IGF2R: variants seen among roughly 807,000 people sequenced by gnomAD.
IGF2R encodes the protein cation-independent mannose-6-phosphate receptor.
In IGF2R, 91 loss-of-function variants were observed where a neutral mutation model predicts 270.6. The observed-to-expected ratio is 0.34, with a 90% CI of 0.28 to 0.40. The LOEUF is 0.40. Among genes scored for constraint, IGF2R ranks in the 10% least tolerant of loss-of-function variants. The pLI is 1.00. For missense variants in IGF2R, 2,805 were observed against 3,188.3 expected (o/e 0.88, Z 2.90); for synonymous variants, 1,316 against 1,258.9 (o/e 1.05, Z -0.96).
intron 3 of IGF2R, chr6:160,010,356 G>T: frequency 5.4e-6 from 1 of 185,440 alleles, no homozygotes; most frequent in South Asian, 1.4e-4. Flanking sequence ...TCGTTTGCTG[G>T]CATTTGCTTA....
At chr6:160,089,321 C>T in intron 43 of IGF2R, 68 bp downstream of exon 43, 1 of 1,435,302 alleles carries the variant, frequency 7.0e-7, no homozygotes, top group Non-Finnish European at 9.6e-7. Flanking sequence ...GCCGCTCTTT[C>T]CCTATCGGGG....
chr6:160,076,567 A>G (rs572062645), intron 36 of IGF2R, among the ~76,000 whole-genome samples: 1 of 152,314 alleles, frequency 6.6e-6, no homozygotes, highest in Admixed American at 6.5e-5. Flanking sequence ...TGTGAGATAA[A>G]TTGGTAGATT....
intron 30 of IGF2R, among the ~76,000 whole-genome samples, chr6:160,068,815 G>T (rs1778649350): frequency 6.6e-6 from 1 of 152,204 alleles, no homozygotes; most frequent in Admixed American, 6.5e-5. Flanking sequence ...GTAGGATGGG[G>T]ATTCTTTGGA....
chr6:160,054,591 C>CCCTA (rs1778270628), intron 19 of IGF2R, among the ~76,000 whole-genome samples: 1 of 152,088 alleles, frequency 6.6e-6, no homozygotes, highest in South Asian at 2.1e-4. Flanking sequence ...TAGTGGTTAA[C>CCCTA]GAGGAAAGGG....
At chr6:160,040,519 G>A (rs753427329) in intron 10 of IGF2R, 41 bp from the exon 11 acceptor site, 1 of 1,584,524 alleles carries the variant, frequency 6.3e-7, no homozygotes, top group East Asian at 2.2e-5. Flanking sequence ...CTCAATTTTG[G>A]TCACGTATGG....
chr6:160,015,342 T>G (rs953567035), intron 4 of IGF2R, among the ~76,000 whole-genome samples: 7 of 152,206 alleles, frequency 4.6e-5, no homozygotes, highest in Non-Finnish European at 1.0e-4. Context: ...GTGTATTATT[T>G]TGGAAATAAA....
chr6:160,054,956 G>T (rs1298915248), intron 19 of IGF2R, among the ~76,000 whole-genome samples: 2 of 152,082 alleles, frequency 1.3e-5, no homozygotes, highest in Non-Finnish European at 2.9e-5. Flanking sequence ...TCACTCACCT[G>T]CCTGGTCTGC....
chr6:160,065,099 A>C (rs972483477), intron 29 of IGF2R, among the ~76,000 whole-genome samples, 198 bp downstream of exon 29: 1 of 152,176 alleles, frequency 6.6e-6, no homozygotes, highest in African/African-American at 2.4e-5. Flanking sequence ...TGGTGACTGC[A>C]TGGGGAAGGG....
intron 2 of IGF2R, among the ~76,000 whole-genome samples, chr6:160,001,573 C>T (rs975586925): frequency 2.0e-5 from 3 of 152,120 alleles, no homozygotes; most frequent in African/African-American, 4.8e-5. Context: ...GTCTCTGGTG[C>T]CAACAAGGTT....
rs1779633463 is a variant in IGF2R, at chr6:160,106,908, G to C, written c.*1824G>C. ...ATCTAACATGGAGATGTTTTCTCTTGAGTAAACTCACTGAGTTTTCCATCT... is the reference window on the plus strand; with the variant it reads ...ATCTAACATGGAGATGTTTTCTCTTCAGTAAACTCACTGAGTTTTCCATCT... On this transcript the variant is annotated 3_prime_UTR_variant, in exon 48 of 48. Transcript: ENST00000356956. 6.6e-6 allele frequency: 1 copy of C among 152,118 alleles called. No homozygotes were observed. The highest frequency in any genetic ancestry group is 1.5e-5 in the Non-Finnish European group (1 of 68,026). 9.4% of individuals were successfully genotyped at this position (152,118 alleles called of 1,614,324 possible).
chr6:160,097,501 TG>T (rs1438535364), intron 45 of IGF2R, among the ~76,000 whole-genome samples: 2 of 152,148 alleles, frequency 1.3e-5, no homozygotes, highest in Non-Finnish European at 2.9e-5. Context: ...TGCTAATTTT[TG>T]TATTTTTGGT....
At position 160,050,747 on chromosome 6, in the gene IGF2R, G is replaced by C. The variant is rs1302432648; in HGVS notation, c.2694+95G>C. On this transcript the variant is annotated intron_variant, in intron 19 of 47. Coordinates refer to ENST00000356956, the MANE Select transcript of IGF2R (RefSeq NM_000876.4). The surrounding 1 kb of genome is among the most constrained non-coding windows in gnomAD (Gnocchi z 4.0). ...CTTAACAGCAGCAGTCTTGGGGTGG[G>C]TGGCGGAGCTAGGCCAGTCTTAGTT... is the stretch of plus-strand genomic sequence containing the variant. 1 of 1,153,564 alleles carries C rather than the reference G, an allele frequency of 8.7e-7. No homozygotes were observed. Among genetic ancestry groups the C allele is most frequent in the Admixed American group, 2.5e-5 (1 of 40,242 alleles). 71.5% of individuals were successfully genotyped at this position (1,153,564 alleles called of 1,614,324 possible). A position where few individuals can be genotyped will look rare whatever the true frequency, so the allele number is the denominator to read the frequency against.
intron 10 of IGF2R, among the ~76,000 whole-genome samples, chr6:160,038,816 A>G (rs1777879560): frequency 6.6e-6 from 1 of 152,128 alleles, no homozygotes; most frequent in African/African-American, 2.4e-5. Flanking sequence ...CCAAACAAAC[A>G]AAAAACACAG....
chr6:160,007,209 G>A (rs1784256140), intron 2 of IGF2R: 1 of 152,192 alleles, frequency 6.6e-6, no homozygotes, highest in African/African-American at 2.4e-5. Context: ...TGCTGTGCAT[G>A]TTCCATATGT....
At position 160,027,305 on chromosome 6, in the gene IGF2R, G is replaced by C. The variant is rs371916370; in HGVS notation, c.767G>C (p.Arg256Pro). The change falls in exon 6 of 48, where the codon CGC becomes CCC. Residue 256 changes from arginine to proline, a missense_variant. Physicochemically the swap from Arg to Pro is moderately radical, Grantham distance 103 (BLOSUM62 -2). This residue lies in a region of IGF2R where 954 missense variants were observed against 981.1 expected (regional missense o/e 0.97). Coordinates refer to ENST00000356956, the MANE Select transcript of IGF2R (RefSeq NM_000876.4). ...GQPRDGLKLV[R>P]KDRLVLSYVR... The stretch of plus-strand genomic sequence containing the variant: ...CCCCGGGACGGACTGAAGCTGGTGC[G>C]CAAGGACAGGTCAGTCAAGGCCTCC... The C allele has an allele frequency of 3.1e-6, 5 of 1,612,778 alleles. No individual in the cohort carries two copies. Among genetic ancestry groups the C allele is most frequent in the Non-Finnish European group, 4.2e-6 (5 of 1,179,522 alleles).
chr6:160,060,740 C>G, intron 23 of IGF2R, 23 bp downstream of exon 23: 1 of 1,612,630 alleles, frequency 6.2e-7, no homozygotes, highest in Non-Finnish European at 8.5e-7. Flanking sequence ...GGCCTAAGAA[C>G]TGAGAGGCCG....
Position 160,043,134 on chromosome 6 carries a change from T to C in IGF2R, c.1481-14T>C, listed in dbSNP as rs1394034077. ...CATTGCTTTTGGCTAAAATACACTT[T>C]TGTTTTGTTACAGAACCAGAGCAGA... On this transcript the variant is annotated splice_polypyrimidine_tract_variant and intron_variant, in intron 11 of 47. Coordinates refer to ENST00000356956, the MANE Select transcript of IGF2R (RefSeq NM_000876.4). 9.9e-6 allele frequency: 16 copies of C among 1,613,446 alleles called. No individual in the cohort carries two copies. The highest frequency in any genetic ancestry group is 1.3e-5 in the African/African-American group (1 of 74,898).
chr6:159,991,073 T>C (rs972377392), intron 1 of IGF2R, 111 bp from the exon 2 acceptor site: 3 of 1,027,984 alleles, frequency 2.9e-6, no homozygotes, highest in Admixed American at 2.6e-5. Flanking sequence ...AAGGAAAGTG[T>C]ATTTTCTAGT....
At position 160,073,612 on chromosome 6, in the gene IGF2R, A is replaced by C; in HGVS notation, c.4947+143A>C. On this transcript the variant is annotated intron_variant, in intron 34 of 47. Coordinates refer to ENST00000356956, the MANE Select transcript of IGF2R (RefSeq NM_000876.4). ...CACCCCAATAATAAAGTTGACTGGAAGTGCCCAGTGCTATGTAATGAAGCA... is the reference window on the plus strand; with the variant it reads ...CACCCCAATAATAAAGTTGACTGGACGTGCCCAGTGCTATGTAATGAAGCA... 4 of 1,077,682 alleles carry C rather than the reference A, an allele frequency of 3.7e-6. No homozygotes were observed. In the South Asian group the frequency reaches 6.3e-5, roughly 17 times the overall value. 66.8% of individuals were successfully genotyped at this position (1,077,682 alleles called of 1,614,324 possible). A position where few individuals can be genotyped will look rare whatever the true frequency, so the allele number is the denominator to read the frequency against.
Sources: gnomAD v4.1 joint callset for allele counts (sites outside exome capture counted in the v4.1 genomes callset) on GRCh38, gnomAD v4.1.1 for gene constraint, gnomAD v4.1.1 regional missense constraint, Gnocchi (gnomAD v3.1) non-coding constraint, MANE v1.5 for transcripts, NCBI Gene and HGNC (gene_info 2026-07-23, HGNC 2026-07-21) for gene names.